Variants in CSPP1 observed in about 807,000 individuals in gnomAD.
CSPP1 encodes centrosome and spindle pole-associated protein 1.
Under a neutral mutation model 164.4 loss-of-function variants are expected in CSPP1, and 126 were observed. The observed-to-expected ratio is 0.77, with a 90% confidence interval of 0.66 to 0.89. CSPP1 has a LOEUF of 0.89. CSPP1 is among the 40% of genes least tolerant of loss of function. CSPP1 has a pLI of 0.00. For missense variants in CSPP1, 1,395 were observed against 1,449.8 expected (o/e 0.96, Z 0.61); for synonymous variants, 472 against 476.7 (o/e 0.99, Z 0.13).
chr8:67,178,584 T>G (rs1411028649), intron 27 of CSPP1, among the ~76,000 whole-genome samples: 1 of 151,776 alleles, frequency 6.6e-6, no homozygotes, highest in Non-Finnish European at 1.5e-5. Flanking sequence ...GGATCCTGGG[T>G]GGGAGGGTTT....
intron 17 of CSPP1, among the ~76,000 whole-genome samples, chr8:67,139,651 T>C (rs565862340): frequency 6.6e-6 from 1 of 152,298 alleles, no homozygotes; most frequent in South Asian, 2.1e-4. Flanking sequence ...CACCATGGAA[T>C]ACTATGCAGC....
chr8:67,104,937 G>C (rs1292204663), intron 8 of CSPP1, among the ~76,000 whole-genome samples: 1 of 130,444 alleles, frequency 7.7e-6, no homozygotes, highest in Non-Finnish European at 1.5e-5. Context: ...ACTGCTCCCG[G>C]TCTTACATGC....
At chr8:67,102,363 C>A (rs1319682634) in intron 7 of CSPP1, among the ~76,000 whole-genome samples, 2 of 152,018 alleles carry the variant, frequency 1.3e-5, no homozygotes, top group African/African-American at 4.8e-5. Flanking sequence ...GAGGCCAAGG[C>A]GGGAGATCAC....
intron 17 of CSPP1, among the ~76,000 whole-genome samples, chr8:67,139,570 A>G (rs1823062891): frequency 6.6e-6 from 1 of 152,238 alleles, no homozygotes; most frequent in African/African-American, 2.4e-5. Context: ...ACTGTTCACA[A>G]TAGCAAAGAC....
At position 67,095,526 on chromosome 8, in the gene CSPP1, G is replaced by A. The variant is rs1812566944; in HGVS notation, c.717G>A (p.Val239=). The part of the protein sequence containing the change: ...RRIIKKANEE[V]GISNLKHQRF... ...TTATTAAAAAAGCAAATGAAGAAGTGGGCATTTCCAACCTAAAACATCAAA... is the reference window on the plus strand; with the variant it reads ...TTATTAAAAAAGCAAATGAAGAAGTAGGCATTTCCAACCTAAAACATCAAA... The change falls in exon 7 of 31, where the codon GTG becomes GTA. Residue 239 remains valine, a synonymous_variant. Transcript: ENST00000678616. 2 of 1,613,554 alleles carry A rather than the reference G, an allele frequency of 1.2e-6. No homozygotes were observed. Among genetic ancestry groups the A allele is most frequent in the East Asian group, 4.5e-5 (2 of 44,838 alleles).
rs756283251 is a variant in CSPP1 at position 67,076,594 on chromosome 8, A to G, written c.199+13A>G. On this transcript the variant is annotated intron_variant, in intron 3 of 30. Transcript: ENST00000678616. ...AGGGGTTCCTTAGGTATGTCATTAG[A>G]TGTGCTAAACTTATTTTAAGATATC... The G allele has an allele frequency of 1.2e-5, 18 of 1,457,484 alleles. No homozygotes were observed. The highest frequency in any genetic ancestry group is 1.6e-5 in the Non-Finnish European group (17 of 1,059,456). The allele number at this position is 1,457,484 out of a possible 1,614,324, so 90.3% of individuals were successfully genotyped here.
intron 18 of CSPP1, among the ~76,000 whole-genome samples, chr8:67,150,477 T>C (rs910706235): frequency 1.3e-5 from 2 of 152,060 alleles, no homozygotes; most frequent in African/African-American, 4.8e-5. Flanking sequence ...TAATCTCAGC[T>C]CACTGCAACC....
intron 28 of CSPP1, among the ~76,000 whole-genome samples, chr8:67,186,962 C>CAT (rs1834776719): frequency 6.9e-6 from 1 of 145,714 alleles, no homozygotes; most frequent in Non-Finnish European, 1.5e-5. Flanking sequence ...AGGTATAAAT[C>CAT]TATCTATCAT....
At position 67,095,468 on chromosome 8, in the gene CSPP1, T is replaced by C. The variant is rs1339065259; in HGVS notation, c.659T>C (p.Leu220Pro). The change falls in exon 7 of 31, where the codon CTA (leucine) becomes CCA (proline). Residue 220 changes from leucine (L) to proline (P), a missense_variant. Physicochemically the swap from Leu to Pro is moderately conservative, Grantham distance 98 (BLOSUM62 -3). Transcript: ENST00000678616. Reference sequence around the variant, plus strand: ...CTAGAGGAGGACAGATACCGACAACTAGATGATGAAATCGAATTAAGGAAT... The same window carrying C: ...CTAGAGGAGGACAGATACCGACAACCAGATGATGAAATCGAATTAAGGAAT... ...RRLEEDRYRQ[L>P]DDEIELRNRR... is the part of the protein sequence containing the mutation. 1.9e-6 allele frequency: 3 copies of C among 1,613,184 alleles called. No homozygotes were observed. The highest frequency in any genetic ancestry group is 2.5e-6 in the Non-Finnish European group (3 of 1,179,876).
chr8:67,159,912 CTTT>C (rs1310089103), intron 21 of CSPP1, among the ~76,000 whole-genome samples: 1,429 of 60,756 alleles, frequency 0.024, 56 homozygotes, highest in East Asian at 0.034. Flanking sequence ...TTCTTTCTTT[CTTT>C]CTTTCTTTCC....
At position 67,193,503 on chromosome 8, in the gene CSPP1, C is replaced by G; in HGVS notation, c.3370C>G (p.Leu1124Val). The G allele has an allele frequency of 6.2e-7, 1 of 1,613,414 alleles. No homozygotes were observed. Among genetic ancestry groups the G allele is most frequent in the African/African-American group, 1.3e-5 (1 of 75,046 alleles). ...TAATGTAGCACCAGATGGTCTCTCTCTAAAATCTATATCCAGTGTAAATGT... is the reference window on the plus strand; with the variant it reads ...TAATGTAGCACCAGATGGTCTCTCTGTAAAATCTATATCCAGTGTAAATGT... Reference protein sequence around the residue: ...RPNVAPDGLSLKSISSVNVDE... With the variant: ...RPNVAPDGLSVKSISSVNVDE... The change falls in exon 30 of 31, where the codon CTA becomes GTA. Residue 1124 changes from leucine to valine, a missense_variant. By Grantham distance (32) the Leu-to-Val change is conservative (BLOSUM62 1). Transcript: ENST00000678616.
chr8:67,074,886 T>G (rs1219497539), intron 2 of CSPP1: 2 of 203,616 alleles, frequency 9.8e-6, no homozygotes, highest in Admixed American at 1.2e-4. Flanking sequence ...GCTCAAGTGA[T>G]TCTTCTGCCT....
intron 28 of CSPP1, among the ~76,000 whole-genome samples, chr8:67,183,703 T>G (rs1006681229): frequency 1.3e-5 from 2 of 152,112 alleles, no homozygotes; most frequent in African/African-American, 2.4e-5. Context: ...AAATGTAAAA[T>G]GCCAAACTCT....
chr8:67,096,367 C>T (rs910072592), intron 7 of CSPP1, among the ~76,000 whole-genome samples: 1 of 151,620 alleles, frequency 6.6e-6, no homozygotes, highest in South Asian at 2.1e-4. Flanking sequence ...GAGGTTGAGA[C>T]CAGCCTGACC....
chr8:67,131,274 C>G (rs946875060), intron 15 of CSPP1, among the ~76,000 whole-genome samples: 1 of 152,018 alleles, frequency 6.6e-6, no homozygotes, highest in Non-Finnish European at 1.5e-5. Flanking sequence ...ATACCCCCAG[C>G]TATTTGAAAG....
chr8:67,100,093 G>A lies in CSPP1; in HGVS notation c.924-2944G>A, dbSNP rs1157990040. Among the ~76,000 whole-genome samples the A allele has an allele frequency of 5.9e-5, 9 of 151,570 alleles. No individual in the cohort carries two copies. The East Asian group carries it at 7.7e-4, about 13-fold the overall frequency. On this transcript the variant is annotated intron_variant, in intron 7 of 30. Transcript: ENST00000678616. ...TTTTTTAGCCTCTTAAACATTTTTC[G>A]GTCTTGATCTTATAATTATTGGTGA...
At chr8:67,152,434 G>A (rs1825892883) in intron 18 of CSPP1, among the ~76,000 whole-genome samples, 2 of 152,102 alleles carry the variant, frequency 1.3e-5, no homozygotes. Context: ...GGCTTATGAA[G>A]TCTAATACGA....
intron 16 of CSPP1, chr8:67,135,492 C>T (rs764924303): frequency 2.6e-5 from 4 of 152,098 alleles, no homozygotes; most frequent in Non-Finnish European, 5.9e-5. Flanking sequence ...GCAGCTTTCC[C>T]TCAACTTCAT....
intron 4 of CSPP1, among the ~76,000 whole-genome samples, 198 bp from the exon 5 acceptor site, chr8:67,091,605 T>C (rs1232290775): frequency 6.6e-6 from 1 of 152,198 alleles, no homozygotes; most frequent in Non-Finnish European, 1.5e-5. Flanking sequence ...GAGTTGTTGA[T>C]TGGAAGAAAA....
Sources: gnomAD v4.1 joint callset for allele counts (sites outside exome capture counted in the v4.1 genomes callset) on GRCh38, gnomAD v4.1.1 for gene constraint, MANE v1.5 for transcripts, NCBI Gene and HGNC (gene_info 2026-07-23, HGNC 2026-07-21) for gene names.